The following IGF1R variants were observed in gnomAD, a reference collection of about 807,000 sequenced individuals.
The protein encoded by IGF1R is insulin like growth factor 1 receptor, also known as insulin-like growth factor 1 receptor.
IGF1R carries 44 observed loss-of-function variants against 144.6 expected under a neutral mutation model. The observed-to-expected ratio is 0.30, with a 90% CI of 0.24 to 0.39. The LOEUF (loss-of-function observed/expected upper bound fraction) is 0.39, where lower values mean the gene tolerates loss of function less well. Among genes scored for constraint, IGF1R ranks in the 10% least tolerant of loss-of-function variants. The probability of loss-of-function intolerance (pLI) is 1.00; values close to 1 mark genes in which losing one functional copy is unlikely to be tolerated. For synonymous variants in IGF1R, 795 were observed against 722.8 expected (o/e 1.10, Z -1.60); for missense variants, 1,355 against 1,833.7 (o/e 0.74, Z 4.77).
Position 98,649,520 on chromosome 15 carries a change from CTTTTCTTTTTTTTTT to C in IGF1R, c.-57_-43del. The C allele has an allele frequency of 6.8e-5, 58 of 857,868 alleles. No homozygotes were observed. The South Asian group carries it at 7.5e-4, about 11-fold the overall frequency. The allele number at this position is 857,868 out of a possible 1,614,324, so 53.1% of individuals were successfully genotyped here. A position where few individuals can be genotyped will look rare whatever the true frequency, so the allele number is the denominator to read the frequency against. On this transcript the variant is annotated 5_prime_UTR_variant, in exon 1 of 21. Transcript: ENST00000650285. ...TCCTTTCATTTCCTTTTTTTCTTTT[CTTTTCTTTTTTTTTT>C]TTTTTTTTTTTTTTGAGAAAGGGGA...
Position 98,960,005 on chromosome 15 carries a change from TGA to T in IGF1R, c.*2567_*2568del, listed in dbSNP as rs965311113. On this transcript the variant is annotated 3_prime_UTR_variant, in exon 21 of 21. Transcript: ENST00000650285. ...TGTGTATGTGTGGGGTGTGTGTGTG[TGA>T]GAGTGATGGGACAGTTCTTGATTTT... is the stretch of plus-strand genomic sequence containing the variant. The T allele has an allele frequency of 3.4e-5, 8 of 233,338 alleles. No homozygotes were observed. Among genetic ancestry groups the T allele is most frequent in the African/African-American group, 6.6e-5 (3 of 45,448 alleles). The allele number at this position is 233,338 out of a possible 1,614,324, so 14.5% of individuals were successfully genotyped here.
intron 2 of IGF1R, among the ~76,000 whole-genome samples, chr15:98,739,520 C>T (rs1262475012): frequency 6.6e-6 from 1 of 152,142 alleles, no homozygotes; most frequent in East Asian, 1.9e-4. Flanking sequence ...CAGGTTGTCT[C>T]CTAAAAATTT....
chr15:98,924,359 C>T lies in IGF1R; in HGVS notation c.2623-166C>T, dbSNP rs559732298. ...GGGTGTGCTTAAAGCTACTTGAAGA[C>T]GACCTTTTAAGATTTGATTTCTTTG... On this transcript the variant is annotated intron_variant, in intron 12 of 20. Coordinates refer to ENST00000650285, the MANE Select transcript of IGF1R (RefSeq NM_000875.5). Among the ~76,000 whole-genome samples the T allele has an allele frequency of 1.1e-4, 16 of 152,344 alleles. No homozygotes were observed. The South Asian group carries it at 2.5e-3, about 24-fold the overall frequency.
At chr15:98,837,274 C>G (rs2011105666) in intron 2 of IGF1R, among the ~76,000 whole-genome samples, 1 of 151,994 alleles carries the variant, frequency 6.6e-6, no homozygotes, top group Admixed American at 6.6e-5. Flanking sequence ...GAATCTCGCT[C>G]AGTCGCCAGA....
intron 20 of IGF1R, among the ~76,000 whole-genome samples, chr15:98,956,026 G>C (rs1483881724): frequency 6.6e-6 from 1 of 152,230 alleles, no homozygotes; most frequent in Non-Finnish European, 1.5e-5. Flanking sequence ...GCCAGCCCTG[G>C]ATGGTAGCCA....
chr15:98,897,338 T>C (rs755277519), intron 4 of IGF1R: 15 of 193,726 alleles, frequency 7.7e-5, no homozygotes, highest in East Asian at 2.7e-4. Flanking sequence ...TTTAGTGATA[T>C]CACGTTAAAA....
intron 13 of IGF1R, among the ~76,000 whole-genome samples, chr15:98,926,255 G>A (rs1461221843): frequency 3.3e-5 from 5 of 152,140 alleles, no homozygotes; most frequent in Non-Finnish European, 5.9e-5. Flanking sequence ...CTGATAATGC[G>A]GAATCTAAGA....
rs768117445 is a variant in IGF1R, at chr15:98,961,747, C to G, written c.*4305C>G. ...GAGACACTGTTGAACTTGATCAAGACCCAGACCACCCCAGGTCTCCTTCGT... is the reference window on the plus strand; with the variant it reads ...GAGACACTGTTGAACTTGATCAAGAGCCAGACCACCCCAGGTCTCCTTCGT... On this transcript the variant is annotated 3_prime_UTR_variant, in exon 21 of 21. Transcript: ENST00000650285. 4.3e-6 allele frequency: 1 copy of G among 233,440 alleles called. No homozygotes were observed. The highest frequency in any genetic ancestry group is 2.2e-5 in the African/African-American group (1 of 45,344). 14.5% of individuals were successfully genotyped at this position (233,440 alleles called of 1,614,324 possible).
rs1596496710 is a variant in IGF1R, at chr15:98,958,878, C to T, written c.*1436C>T. 2.6e-5 allele frequency: 6 copies of T among 233,498 alleles called. No homozygotes were observed. The highest frequency in any genetic ancestry group is 2.4e-4 in the East Asian group (4 of 16,572). The allele number at this position is 233,498 out of a possible 1,614,324, so 14.5% of individuals were successfully genotyped here. ...TGGATACTTCTATCACATAATTTGC[C>T]ATGAACTGTTGGATGCCTTTTTATA... On this transcript the variant is annotated 3_prime_UTR_variant, in exon 21 of 21. Coordinates refer to ENST00000650285, the MANE Select transcript of IGF1R (RefSeq NM_000875.5).
chr15:98,765,571 G>T (rs771204306), intron 2 of IGF1R, among the ~76,000 whole-genome samples: 1 of 151,786 alleles, frequency 6.6e-6, no homozygotes, highest in African/African-American at 2.4e-5. Flanking sequence ...TGATCTGCCC[G>T]CTTCAGCCTC....
chr15:98,957,732 T>C lies in IGF1R; in HGVS notation c.*290T>C, dbSNP rs2017063639. On this transcript the variant is annotated 3_prime_UTR_variant, in exon 21 of 21. Transcript: ENST00000650285. ...TAGCAACAGAGCACTTGAGAACCAG[T>C]CTCCTCACTCTGTCCCTGTCCTTCC... 2.0e-6 allele frequency: 1 copy of C among 498,804 alleles called. No homozygotes were observed. The highest frequency in any genetic ancestry group is 2.5e-5 in the South Asian group (1 of 40,688). The allele number at this position is 498,804 out of a possible 1,614,324, so 30.9% of individuals were successfully genotyped here.
At position 98,845,781 on chromosome 15, in the gene IGF1R, A is replaced by G. The variant is rs75979311; in HGVS notation, c.641-45544A>G. Among the ~76,000 whole-genome samples, 730 of 152,204 alleles carry G rather than the reference A, an allele frequency of 4.8e-3. 6 individuals are homozygous for G. Among genetic ancestry groups the G allele is most frequent in the African/African-American group, 0.016 (646 of 41,516 alleles). On this transcript the variant is annotated intron_variant, in intron 2 of 20. Coordinates refer to ENST00000650285, the MANE Select transcript of IGF1R (RefSeq NM_000875.5). The stretch of plus-strand genomic sequence containing the variant: ...TTAGTGTTCCAATTCTTGTTTGCCC[A>G]TAAGTGTTTCAAAGTAGTATTTTTA...
intron 5 of IGF1R, among the ~76,000 whole-genome samples, chr15:98,904,285 C>G (rs111541356): frequency 0.079 from 11,962 of 152,096 alleles, 662 homozygotes; most frequent in Middle Eastern, 0.13. Context: ...ATCATCTGAC[C>G]TCGTGATCTG....
At chr15:98,750,739 A>G (rs1251988537) in intron 2 of IGF1R, among the ~76,000 whole-genome samples, 1 of 152,248 alleles carries the variant, frequency 6.6e-6, no homozygotes, top group Non-Finnish European at 1.5e-5. Flanking sequence ...TCAGAAAAGT[A>G]GCCACCTATA....
chr15:98,769,584 C>T (rs1333386814), intron 2 of IGF1R, among the ~76,000 whole-genome samples: 1 of 152,186 alleles, frequency 6.6e-6, no homozygotes, highest in African/African-American at 2.4e-5. Flanking sequence ...CTCTCAGAAT[C>T]ACAGCGTGTT....
chr15:98,781,397 CAAATT>C (rs1191198986), intron 2 of IGF1R, among the ~76,000 whole-genome samples: 1 of 152,150 alleles, frequency 6.6e-6, no homozygotes, highest in African/African-American at 2.4e-5. Flanking sequence ...AATGTCCCTC[CAAATT>C]AAATTACTAA....
At chr15:98,730,701 G>GT (rs1183414770) in intron 2 of IGF1R, among the ~76,000 whole-genome samples, 1 of 152,170 alleles carries the variant, frequency 6.6e-6, no homozygotes, top group Non-Finnish European at 1.5e-5. Flanking sequence ...TTGTTCATCT[G>GT]TAAGCATTTT....
At chr15:98,915,326 G>T (rs1293852587) in intron 8 of IGF1R, among the ~76,000 whole-genome samples, 4 of 152,210 alleles carry the variant, frequency 2.6e-5, no homozygotes, top group Non-Finnish European at 5.9e-5. Flanking sequence ...CCATGCGTTT[G>T]CAGTTCTAAA....
intron 1 of IGF1R, among the ~76,000 whole-genome samples, chr15:98,650,431 C>A (rs1054468327): frequency 6.6e-6 from 1 of 152,214 alleles, no homozygotes; most frequent in Non-Finnish European, 1.5e-5. Flanking sequence ...GGCCGGGAGT[C>A]TTCCTCAGCT....
Sources: gnomAD v4.1 joint callset for allele counts (sites outside exome capture counted in the v4.1 genomes callset) on GRCh38, gnomAD v4.1.1 for gene constraint, MANE v1.5 for transcripts, NCBI Gene and HGNC (gene_info 2026-07-23, HGNC 2026-07-21) for gene names.